Variants in GLIS1 observed in about 807,000 individuals in gnomAD.
GLIS1 encodes the protein zinc finger protein GLIS1.
Under a neutral mutation model 63.8 loss-of-function variants are expected in GLIS1, and 24 were observed. That is an observed-to-expected ratio of 0.38 (90% confidence interval 0.27 to 0.53). The LOEUF is 0.53. GLIS1 is among the 20% of genes least tolerant of loss of function. GLIS1 has a pLI of 0.85. For synonymous variants in GLIS1, 450 were observed against 482.5 expected (o/e 0.93, Z 0.88); for missense variants, 1,036 against 1,074.1 (o/e 0.96, Z 0.50).
At chr1:53,686,895 T>C (rs1447183343) in intron 2 of GLIS1, among the ~76,000 whole-genome samples, 1 of 152,198 alleles carries the variant, frequency 6.6e-6, no homozygotes, top group African/African-American at 2.4e-5. Flanking sequence ...GAGATGGGAC[T>C]GTGGCCTGCA....
chr1:53,700,953 A>C (rs947552775), intron 2 of GLIS1, among the ~76,000 whole-genome samples: 1 of 152,238 alleles, frequency 6.6e-6, no homozygotes, highest in Non-Finnish European at 1.5e-5. Context: ...TCAGTACTTC[A>C]TTACTTTTTA....
intron 2 of GLIS1, among the ~76,000 whole-genome samples, chr1:53,640,786 C>G (rs747577777): frequency 1.3e-5 from 2 of 152,212 alleles, no homozygotes; most frequent in African/African-American, 2.4e-5. Context: ...TTAAGCCACT[C>G]TGCCACTCCC....
At chr1:53,595,372 T>C (rs1314977063) in intron 3 of GLIS1, among the ~76,000 whole-genome samples, 3 of 151,994 alleles carry the variant, frequency 2.0e-5, no homozygotes, top group Non-Finnish European at 2.9e-5. Flanking sequence ...ATTTACAAAT[T>C]AGCCAGGTGT....
chr1:53,629,960 G>T (rs796650624), intron 2 of GLIS1, among the ~76,000 whole-genome samples: 12 of 152,042 alleles, frequency 7.9e-5, no homozygotes, highest in African/African-American at 2.7e-4. Flanking sequence ...GTGAATTGGG[G>T]GTGAATCTTC....
intron 2 of GLIS1, among the ~76,000 whole-genome samples, chr1:53,699,360 A>G (rs193230576): frequency 9.7e-4 from 148 of 152,300 alleles, no homozygotes; most frequent in Non-Finnish European, 1.7e-3. Flanking sequence ...CACCATGCCC[A>G]GCCGATTGTT....
chr1:53,697,710 C>A (rs955088000), intron 2 of GLIS1, among the ~76,000 whole-genome samples: 1 of 152,198 alleles, frequency 6.6e-6, no homozygotes, highest in African/African-American at 2.4e-5. Flanking sequence ...ATACTCGGTG[C>A]GGACACTGTC....
intron 4 of GLIS1, among the ~76,000 whole-genome samples, chr1:53,584,994 G>A (rs1037688059): frequency 1.3e-5 from 2 of 152,192 alleles, no homozygotes; most frequent in African/African-American, 2.4e-5. Context: ...TCTCACTCCA[G>A]TAAGACAATC....
intron 7 of GLIS1, among the ~76,000 whole-genome samples, chr1:53,517,105 T>C (rs1227177436): frequency 6.6e-6 from 1 of 152,122 alleles, no homozygotes; most frequent in African/African-American, 2.4e-5. Context: ...TTGAATGACT[T>C]GTCCAAAGTC....
intron 2 of GLIS1, among the ~76,000 whole-genome samples, chr1:53,684,388 T>C (rs1646308570): frequency 6.6e-6 from 1 of 152,052 alleles, no homozygotes. Flanking sequence ...CCTCTAGGGG[T>C]CTCCCTGCTC....
chr1:53,733,048 T>C (rs2100578325), intron 2 of GLIS1, among the ~76,000 whole-genome samples: 1 of 152,308 alleles, frequency 6.6e-6, no homozygotes, highest in South Asian at 2.1e-4. Flanking sequence ...GTCCCAAACT[T>C]TAGTTTCTCC....
In GLIS1 at chr1:53,522,854, C is replaced by T. The variant is rs561931627; in HGVS notation, c.1593+1923G>A. 3.9e-5 allele frequency among the ~76,000 whole-genome samples: 6 copies of T among 152,180 alleles called. No individual in the cohort carries two copies. The East Asian group carries it at 1.2e-3, about 29-fold the overall frequency. On this transcript the variant is annotated intron_variant, in intron 6 of 10. Transcript: ENST00000628545. ...ACTTGAGCCCAGGAGTTGGAGGCTGCCATGAGCCATGATCGTGCCACTGTA... is the reference window on the plus strand; with the variant it reads ...ACTTGAGCCCAGGAGTTGGAGGCTGTCATGAGCCATGATCGTGCCACTGTA...
At chr1:53,565,758 C>G (rs12728042) in intron 4 of GLIS1, among the ~76,000 whole-genome samples, 69,362 of 151,718 alleles carry the variant, frequency 0.46, 18,703 homozygotes, top group Admixed American at 0.63. Flanking sequence ...GCAAGTTTAC[C>G]AAATGTTCAA....
intron 2 of GLIS1, among the ~76,000 whole-genome samples, chr1:53,734,748 G>A (rs779137590): frequency 2.0e-5 from 3 of 152,230 alleles, no homozygotes; most frequent in Admixed American, 6.5e-5. Context: ...GAGAACAAGC[G>A]TCATCAGGCC....
rs1646942100 is a variant in GLIS1 at position 53,739,111 on chromosome 1, G to T, written c.-49C>A. 6.6e-6 allele frequency among the ~76,000 whole-genome samples: 1 copy of T among 150,842 alleles called. No individual in the cohort carries two copies. Among genetic ancestry groups the T allele is most frequent in the African/African-American group, 2.4e-5 (1 of 41,260 alleles). On this transcript the variant is annotated 5_prime_UTR_variant, in exon 1 of 11. It adds an upstream start codon to the 5' untranslated region. Transcript: ENST00000628545. ...GGGCCGCGCCCCCTCTCACCTCGCA[G>T]CGGCAGCTGCAGATCGCTGGGCGCC...
chr1:53,736,573 G>C (rs998177933), intron 2 of GLIS1, among the ~76,000 whole-genome samples: 2 of 152,146 alleles, frequency 1.3e-5, no homozygotes, highest in African/African-American at 4.8e-5. Flanking sequence ...GTGTATTCCA[G>C]CAATAACACT....
chr1:53,606,270 C>T (rs1045820446), intron 2 of GLIS1, among the ~76,000 whole-genome samples: 8 of 152,192 alleles, frequency 5.3e-5, no homozygotes, highest in South Asian at 2.1e-4. Context: ...GGGCATCAGC[C>T]GCCATGGAAG....
At position 53,725,691 on chromosome 1, in the gene GLIS1, G is replaced by A. The variant is rs140117119; in HGVS notation, c.259+12115C>T. Among the ~76,000 whole-genome samples, 679 of 152,308 alleles carry A rather than the reference G, an allele frequency of 4.5e-3. 2 individuals carry two copies. The highest frequency in any genetic ancestry group is 0.016 in the African/African-American group (657 of 41,562). The stretch of plus-strand genomic sequence containing the variant: ...AACACTGGGAGCACAGCGGGCATCC[G>A]ATAAATATGGATAAACCAACCAACC... On this transcript the variant is annotated intron_variant, in intron 2 of 10. Coordinates refer to ENST00000628545, the MANE Select transcript of GLIS1 (RefSeq NM_001367484.1).
chr1:53,721,908 T>C (rs1295353151), intron 2 of GLIS1, among the ~76,000 whole-genome samples: 7 of 152,138 alleles, frequency 4.6e-5, no homozygotes, highest in Admixed American at 3.3e-4. Flanking sequence ...GTAACAAATA[T>C]GATGAACAAA....
rs1644301201 is a variant in GLIS1, at chr1:53,511,835, C to A, written c.1884-1808G>T. On this transcript the variant is annotated intron_variant, in intron 8 of 10. Transcript: ENST00000628545. The surrounding 1 kb of genome is among the most constrained non-coding windows in gnomAD (Gnocchi z 4.2). ...TGCAGGCCTGCTGTGTGGTGGCTGC[C>A]TTATCCCCATCCCATCTGGGCACCC... Among the ~76,000 whole-genome samples, 1 of 152,192 alleles carries A rather than the reference C, an allele frequency of 6.6e-6. No homozygotes were observed. Among genetic ancestry groups the A allele is most frequent in the African/African-American group, 2.4e-5 (1 of 41,460 alleles).
Sources: allele counts gnomAD v4.1 joint callset (sites outside exome capture counted in the v4.1 genomes callset), GRCh38; gene constraint gnomAD v4.1.1; non-coding constraint Gnocchi (gnomAD v3.1); transcripts MANE v1.5; gene names NCBI Gene and HGNC (gene_info 2026-07-23, HGNC 2026-07-21).